PRKN: variants seen among roughly 807,000 people sequenced by gnomAD.
PRKN encodes the protein E3 ubiquitin-protein ligase parkin.
In PRKN, 56 loss-of-function variants were observed where a neutral mutation model predicts 59.5. That is an observed-to-expected ratio of 0.94 (90% CI 0.76 to 1.18). The LOEUF (loss-of-function observed/expected upper bound fraction) is 1.18, where lower values mean the gene tolerates loss of function less well. Among genes scored for constraint, PRKN ranks in the 50% most tolerant of loss-of-function variants. The probability of loss-of-function intolerance (pLI) is 0.00; values close to 1 mark genes in which losing one functional copy is unlikely to be tolerated. For missense variants in PRKN, 657 were observed against 596.4 expected (o/e 1.10, Z -1.06); for synonymous variants, 250 against 222.1 (o/e 1.13, Z -1.12).
At chr6:161,907,122 T>G (rs1434358697) in intron 6 of PRKN, among the ~76,000 whole-genome samples, 1 of 152,176 alleles carries the variant, frequency 6.6e-6, no homozygotes, top group Non-Finnish European at 1.5e-5. Context: ...CAGATATTCC[T>G]CTGAGATGTG....
intron 2 of PRKN, among the ~76,000 whole-genome samples, chr6:162,304,547 T>TATC (rs1562655187): frequency 2.8e-5 from 3 of 107,028 alleles, no homozygotes; most frequent in Admixed American, 1.7e-4. Flanking sequence ...ATCTATCTAT[T>TATC]TATCCATCTG....
intron 4 of PRKN, among the ~76,000 whole-genome samples, chr6:162,107,931 C>T (rs1780262623): frequency 6.6e-6 from 1 of 151,922 alleles, no homozygotes; most frequent in African/African-American, 2.4e-5. Flanking sequence ...AATTTATTTG[C>T]AAAAGAAAGG....
intron 6 of PRKN, among the ~76,000 whole-genome samples, chr6:161,889,150 C>A (rs76350372): frequency 0.1 from 15,657 of 151,912 alleles, 1,239 homozygotes; most frequent in African/African-American, 0.22. Flanking sequence ...GGTAAAAAGA[C>A]GAAGAACCCA....
chr6:161,537,662 T>A (rs113015238), intron 9 of PRKN, among the ~76,000 whole-genome samples: 7,754 of 152,136 alleles, frequency 0.051, 257 homozygotes, highest in South Asian at 0.087. Flanking sequence ...CATGTTAGCC[T>A]GGATGGTCTC....
intron 1 of PRKN, among the ~76,000 whole-genome samples, chr6:162,627,530 A>C (rs976385674): frequency 8.5e-5 from 13 of 152,100 alleles, no homozygotes; most frequent in Non-Finnish European, 1.5e-4. Flanking sequence ...TATTTAAGGA[A>C]GGTAACTGGA....
intron 2 of PRKN, among the ~76,000 whole-genome samples, chr6:162,339,141 G>A (rs1363307534): frequency 8.1e-5 from 11 of 135,470 alleles, no homozygotes; most frequent in South Asian, 2.6e-4. Context: ...CCCGGCAGCC[G>A]CCCCGTCTGA....
At chr6:161,918,214 A>G (rs905379415) in intron 6 of PRKN, among the ~76,000 whole-genome samples, 3 of 152,196 alleles carry the variant, frequency 2.0e-5, no homozygotes, top group Non-Finnish European at 4.4e-5. Context: ...CAATTCACAT[A>G]TTTACCATGG....
intron 2 of PRKN, among the ~76,000 whole-genome samples, chr6:162,334,340 G>A (rs778592788): frequency 1.3e-5 from 2 of 152,166 alleles, no homozygotes; most frequent in Non-Finnish European, 2.9e-5. Context: ...AAACTTCCAA[G>A]GACAGGCTGA....
At chr6:162,098,115 TC>T (rs1430400621) in intron 4 of PRKN, among the ~76,000 whole-genome samples, 4 of 152,210 alleles carry the variant, frequency 2.6e-5, no homozygotes, top group African/African-American at 9.6e-5. Context: ...CTTTTTCTTT[TC>T]TTTTTTTGCT....
intron 6 of PRKN, among the ~76,000 whole-genome samples, chr6:161,882,423 TC>T (rs1323224739): frequency 6.6e-6 from 1 of 151,974 alleles, no homozygotes; most frequent in African/African-American, 2.4e-5. Context: ...GTGAGCCGCC[TC>T]CCCAGCCCAG....
At position 161,665,525 on chromosome 6, in the gene PRKN, A is replaced by G. The variant is rs529945214; in HGVS notation, c.872-96109T>C. 9.2e-5 allele frequency among the ~76,000 whole-genome samples: 14 copies of G among 152,290 alleles called. No homozygotes were observed. The East Asian group carries it at 2.5e-3, about 27-fold the overall frequency. On this transcript the variant is annotated intron_variant, in intron 7 of 11. Coordinates refer to ENST00000366898, the MANE Select transcript of PRKN (RefSeq NM_004562.3). ...AATTTCTTTATGATTTCTTAATACT[A>G]TCATCGAGCATTCAGGTAGGCTCCA...
chr6:161,511,554 C>T (rs544654339), intron 9 of PRKN, among the ~76,000 whole-genome samples: 23 of 152,104 alleles, frequency 1.5e-4, no homozygotes, highest in African/African-American at 2.9e-4. Context: ...TATCTGACAC[C>T]GTTATTTCTG....
At chr6:161,981,931 G>A (rs565077576) in intron 5 of PRKN, among the ~76,000 whole-genome samples, 1 of 152,286 alleles carries the variant, frequency 6.6e-6, no homozygotes, top group South Asian at 2.1e-4. Flanking sequence ...AGTTTATCAG[G>A]AGAAAGAAAA....
At chr6:162,637,576 T>A (rs2128223760) in intron 1 of PRKN, among the ~76,000 whole-genome samples, 1 of 152,222 alleles carries the variant, frequency 6.6e-6, no homozygotes, top group African/African-American at 2.4e-5. Context: ...ATTCCTTCTA[T>A]CCACACAGAA....
chr6:161,439,169 G>A (rs369494488), intron 9 of PRKN, among the ~76,000 whole-genome samples: 1 of 152,326 alleles, frequency 6.6e-6, no homozygotes. Flanking sequence ...GTCCTGCGAT[G>A]CCGCAGCTGA....
intron 2 of PRKN, among the ~76,000 whole-genome samples, chr6:162,372,577 A>C (rs1475176154): frequency 6.6e-6 from 1 of 152,102 alleles, no homozygotes; most frequent in African/African-American, 2.4e-5. Flanking sequence ...GTGAGGGAGG[A>C]GGGAGGGTTG....
chr6:162,427,937 G>A (rs1789321402), intron 2 of PRKN, among the ~76,000 whole-genome samples: 1 of 152,130 alleles, frequency 6.6e-6, no homozygotes, highest in Admixed American at 6.5e-5. Flanking sequence ...GGAAGAAATG[G>A]AACACAATCA....
chr6:161,791,396 A>G (rs1297810333), intron 6 of PRKN, among the ~76,000 whole-genome samples: 1 of 152,210 alleles, frequency 6.6e-6, no homozygotes, highest in African/African-American at 2.4e-5. Context: ...TCTAGCATCT[A>G]CAAAAATAGC....
chr6:161,609,813 C>A (rs1440654474), intron 7 of PRKN, among the ~76,000 whole-genome samples: 1 of 152,134 alleles, frequency 6.6e-6, no homozygotes, highest in Non-Finnish European at 1.5e-5. Context: ...GGGGGCTGGA[C>A]TACGGTTAGA....
Sources: gnomAD v4.1 joint callset for allele counts (sites outside exome capture counted in the v4.1 genomes callset) on GRCh38, gnomAD v4.1.1 for gene constraint, MANE v1.5 for transcripts, NCBI Gene and HGNC (gene_info 2026-07-23, HGNC 2026-07-21) for gene names.